Variants in BFAR observed in about 807,000 individuals in gnomAD.
The protein encoded by BFAR is bifunctional apoptosis regulator.
A neutral mutation model predicts 54.4 loss-of-function variants in BFAR; 52 were observed. The observed-to-expected ratio is 0.96, with a 90% CI of 0.77 to 1.21. BFAR has a LOEUF of 1.21. BFAR is among the 50% of genes most tolerant of loss of function. The pLI, the probability that BFAR is intolerant of heterozygous loss-of-function variation, is 0.00. For missense variants in BFAR, 571 were observed against 534.0 expected (o/e 1.07, Z -0.68); for synonymous variants, 215 against 204.3 (o/e 1.05, Z -0.45).
chr16:14,646,113 G>A (rs1009761626), intron 2 of BFAR, among the ~76,000 whole-genome samples: 5 of 151,932 alleles, frequency 3.3e-5, no homozygotes, highest in African/African-American at 4.8e-5. Context: ...GTGCAATGGC[G>A]TGATCTCGAC....
intron 5 of BFAR, among the ~76,000 whole-genome samples, chr16:14,658,850 A>G (rs1030497167): frequency 6.6e-6 from 1 of 152,136 alleles, no homozygotes; most frequent in African/African-American, 2.4e-5. Flanking sequence ...GGACTTTTCA[A>G]AAGACAAAAT....
chr16:14,637,830 GA>G lies in BFAR; in HGVS notation c.-74+4825del, dbSNP rs771750716. ...GGTGACAGAGCAAGACTCCATCTCA[GA>G]AAAAAAAAAAAAGTCATTTTTTTTT... On this transcript the variant is annotated intron_variant, in intron 1 of 7. Coordinates refer to ENST00000261658, the MANE Select transcript of BFAR (RefSeq NM_016561.3). Among the ~76,000 whole-genome samples, 694 of 134,450 alleles carry G rather than the reference GA, an allele frequency of 5.2e-3. 2 individuals are homozygous for G. The highest frequency in any genetic ancestry group is 0.018 in the South Asian group (78 of 4,356). The allele number at this position is 134,450 out of a possible 152,430, so 88.2% of individuals were successfully genotyped here. A position where few individuals can be genotyped will look rare whatever the true frequency, so the allele number is the denominator to read the frequency against.
chr16:14,648,444 A>G lies in BFAR; in HGVS notation c.320A>G (p.Gln107Arg), dbSNP rs1959866344. 6.2e-7 allele frequency: 1 copy of G among 1,613,942 alleles called. No individual in the cohort carries two copies. The highest frequency in any genetic ancestry group is 8.5e-7 in the Non-Finnish European group (1 of 1,179,798). ...DAIRLRFEDI[Q>R]QNNDIVQSLA... ...ATTAGACTGAGATTTGAAGACATTC[A>G]GCAGAATAATGACATAGTCCAAAGT... Residue 107 changes from glutamine to arginine, a missense_variant, in exon 3 of 8, where the codon CAG becomes CGG. Gln to Arg is a conservative substitution (Grantham distance 43). Transcript: ENST00000261658.
At chr16:14,665,466 A>C (rs543501522) in intron 7 of BFAR, among the ~76,000 whole-genome samples, 1 of 152,286 alleles carries the variant, frequency 6.6e-6, no homozygotes, top group Admixed American at 6.5e-5. Flanking sequence ...GAAGCTGGCA[A>C]ATTCAGTTTC....
intron 6 of BFAR, among the ~76,000 whole-genome samples, chr16:14,663,900 T>C (rs1960361949): frequency 6.6e-6 from 1 of 152,098 alleles, no homozygotes; most frequent in South Asian, 2.1e-4. Context: ...TCCACAATTA[T>C]ATGACAAGCA....
At chr16:14,660,071 A>G (rs147002990) in intron 5 of BFAR, among the ~76,000 whole-genome samples, 20 of 152,302 alleles carry the variant, frequency 1.3e-4, no homozygotes, top group Admixed American at 2.0e-4. Context: ...AAGATGGGGA[A>G]CATCTCCGTC....
At chr16:14,638,308 G>A (rs914305962) in intron 1 of BFAR, among the ~76,000 whole-genome samples, 7 of 152,072 alleles carry the variant, frequency 4.6e-5, no homozygotes, top group South Asian at 4.1e-4. Flanking sequence ...ACTGGAGCCC[G>A]AAAGTTCAAG....
Position 14,661,958 on chromosome 16 carries a change from C to T in BFAR, c.850C>T (p.Leu284Phe), listed in dbSNP as rs774769586. 2 of 1,614,162 alleles carry T rather than the reference C, an allele frequency of 1.2e-6. No individual in the cohort carries two copies. Among genetic ancestry groups the T allele is most frequent in the East Asian group, 2.2e-5 (1 of 44,872 alleles). ...ALKSSPRLSL[L>F]YLYLFDYTDT... The stretch of plus-strand genomic sequence containing the variant: ...CAAGAGCTCCCCCAGGCTGAGTCTG[C>T]TCTACCTGTACCTGTTTGACTACAC... Residue 284 changes from leucine (L) to phenylalanine (F), a missense_variant, in exon 6 of 8, where the codon CTC becomes TTC. Leu to Phe is a conservative substitution (Grantham distance 22). Transcript: ENST00000261658.
At chr16:14,658,062 A>G (rs780401058) in intron 5 of BFAR, among the ~76,000 whole-genome samples, 1 of 152,128 alleles carries the variant, frequency 6.6e-6, no homozygotes, top group African/African-American at 2.4e-5. Context: ...GCACCAGGAA[A>G]ATTTAGGACA....
Position 14,669,019 on chromosome 16 carries a change from T to C in BFAR, c.*1192T>C, listed in dbSNP as rs767356036. On this transcript the variant is annotated 3_prime_UTR_variant, in exon 8 of 8. Transcript: ENST00000261658. ...ATGGCATGAAGTGAACTATGGCCTT[T>C]TATTTCCTTCCAGTGTGAACACAGC... 4.4e-6 allele frequency: 2 copies of C among 452,764 alleles called. No homozygotes were observed. The highest frequency in any genetic ancestry group is 1.6e-5 in the South Asian group (1 of 63,610). The allele number at this position is 452,764 out of a possible 1,614,324, so 28.0% of individuals were successfully genotyped here. A position where few individuals can be genotyped will look rare whatever the true frequency, so the allele number is the denominator to read the frequency against.
At chr16:14,666,322 G>T in intron 7 of BFAR, among the ~76,000 whole-genome samples, 1 of 152,192 alleles carries the variant, frequency 6.6e-6, no homozygotes, top group South Asian at 2.1e-4. Flanking sequence ...TGTAATCCTA[G>T]AACTTTGGGA....
intron 5 of BFAR, among the ~76,000 whole-genome samples, chr16:14,660,459 G>C (rs921273598): frequency 1.3e-5 from 2 of 151,260 alleles, no homozygotes; most frequent in African/African-American, 4.9e-5. Context: ...GCTAATTTTT[G>C]TATTTTTAGT....
rs55673619 is a variant in BFAR at position 14,654,493 on chromosome 16, CTTTTTTTTT to C, written c.639-556_639-548del. ...ACCTTATTTCTCTAAGTGAGTTTTC[CTTTTTTTTT>C]TTTTTTTTTTTTTTTTGAGATGGAG... On this transcript the variant is annotated intron_variant, in intron 4 of 7. Transcript: ENST00000261658. Among the ~76,000 whole-genome samples, 3 of 89,138 alleles carry C rather than the reference CTTTTTTTTT, an allele frequency of 3.4e-5. 1 individual carries two copies. Among genetic ancestry groups the C allele is most frequent in the East Asian group, 3.5e-4 (1 of 2,848 alleles). The allele number at this position is 89,138 out of a possible 152,430, so 58.5% of individuals were successfully genotyped here.
chr16:14,652,195 C>A (rs1423848998), intron 4 of BFAR, among the ~76,000 whole-genome samples: 2 of 151,470 alleles, frequency 1.3e-5, no homozygotes, highest in Non-Finnish European at 2.9e-5. Context: ...CTCCAACATT[C>A]TAACACAGAT....
Position 14,661,960 on chromosome 16 carries a change from C to G in BFAR, c.852C>G (p.Leu284=), listed in dbSNP as rs1306446865. 8 of 1,614,072 alleles carry G rather than the reference C, an allele frequency of 5.0e-6. No individual in the cohort carries two copies. In the African/African-American group the frequency reaches 6.7e-5, roughly 13 times the overall value. Residue 284 remains leucine (L), a synonymous_variant, in exon 6 of 8, where the codon CTC becomes CTG. Transcript: ENST00000261658. ...ALKSSPRLSL[L]YLYLFDYTDT... ...AGAGCTCCCCCAGGCTGAGTCTGCT[C>G]TACCTGTACCTGTTTGACTACACCG...
chr16:14,652,952 T>C lies in BFAR; in HGVS notation c.639-2114T>C, dbSNP rs60267559. Among the ~76,000 whole-genome samples the C allele has an allele frequency of 7.2e-3, 1,089 of 152,208 alleles. 34 individuals are homozygous for C. In the East Asian group the frequency reaches 0.081, roughly 11 times the overall value. ...CCTACTCCAGTGACTTTTTCTCTCC[T>C]CTCCACTCAGTTTTCAGCACTTGAC... On this transcript the variant is annotated intron_variant, in intron 4 of 7. Transcript: ENST00000261658.
At chr16:14,651,770 G>A (rs1181717749) in intron 4 of BFAR, among the ~76,000 whole-genome samples, 2 of 151,712 alleles carry the variant, frequency 1.3e-5, no homozygotes, top group African/African-American at 2.4e-5. Context: ...ATGAGCCCCC[G>A]CACCCTCCTC....
rs1185611049 is a variant in BFAR at position 14,664,906 on chromosome 16, TC to T, written c.997del (p.Leu333TrpfsTer11). ...KEPTWKQWRE[F>X]LVKYSFLPYQ... ...CCTACGTGGAAGCAGTGGAGAGAGT[TC>T]CTGGTCAAATACTCCTTCCTTCCAT... On this transcript the variant is annotated frameshift_variant, in exon 7 of 8. Transcript: ENST00000261658. LOFTEE classifies it high-confidence loss of function. 2.5e-6 allele frequency: 4 copies of T among 1,613,950 alleles called. No individual in the cohort carries two copies. The highest frequency in any genetic ancestry group is 2.7e-5 in the African/African-American group (2 of 74,936).
intron 5 of BFAR, among the ~76,000 whole-genome samples, chr16:14,660,680 C>T (rs1960264400): frequency 7.0e-6 from 1 of 143,652 alleles, no homozygotes; most frequent in Non-Finnish European, 1.5e-5. Flanking sequence ...GCAGGTGGAT[C>T]ACCTGAGGTC....
Sources: allele counts gnomAD v4.1 joint callset (sites outside exome capture counted in the v4.1 genomes callset), GRCh38; gene constraint gnomAD v4.1.1; transcripts MANE v1.5; gene names NCBI Gene and HGNC (gene_info 2026-07-23, HGNC 2026-07-21).